The following RBMS3 variants were observed in gnomAD, a reference collection of about 807,000 sequenced individuals.
RBMS3 encodes RNA binding motif single stranded interacting protein 3.
Under a neutral mutation model 66.8 loss-of-function variants are expected in RBMS3, and 27 were observed. The observed-to-expected ratio is 0.40, with a 90% CI of 0.30 to 0.56. The LOEUF is 0.56. Among genes scored for constraint, RBMS3 ranks in the 20% least tolerant of loss-of-function variants. The pLI is 0.40. For missense variants in RBMS3, 513 were observed against 549.5 expected (o/e 0.93, Z 0.66); for synonymous variants, 188 against 183.0 (o/e 1.03, Z -0.22).
Position 29,901,275 on chromosome 3 carries a change from AG to A in RBMS3, c.939+1521del, listed in dbSNP as rs2060246496. Among the ~76,000 whole-genome samples the A allele has an allele frequency of 3.9e-5, 6 of 151,958 alleles. No individual in the cohort carries two copies. The South Asian group carries it at 1.2e-3, about 31-fold the overall frequency. On this transcript the variant is annotated intron_variant, in intron 10 of 14. Coordinates refer to ENST00000383767, the MANE Select transcript of RBMS3 (RefSeq NM_001003793.3). ...TGAGCCAACGGAGGAAAAGGAAAGA[AG>A]TCCTGCCAAGTTCTCAAAAGGAGAC...
chr3:30,000,184 G>A (rs779513200), intron 14 of RBMS3, among the ~76,000 whole-genome samples: 39 of 151,384 alleles, frequency 2.6e-4, no homozygotes, highest in Non-Finnish European at 4.6e-4. Flanking sequence ...CAAAGAACTT[G>A]AACAAATTTA....
chr3:29,878,504 TTC>T (rs1425934489), intron 7 of RBMS3, among the ~76,000 whole-genome samples: 1 of 152,060 alleles, frequency 6.6e-6, no homozygotes, highest in Non-Finnish European at 1.5e-5. Context: ...CTCCTGCCCA[TTC>T]TCACCTTGAC....
At chr3:29,908,365 T>C (rs952783338) in intron 10 of RBMS3, among the ~76,000 whole-genome samples, 1 of 152,124 alleles carries the variant, frequency 6.6e-6, no homozygotes, top group Non-Finnish European at 1.5e-5. Flanking sequence ...ATCAATTGGA[T>C]TGTGAAATGC....
intron 3 of RBMS3, among the ~76,000 whole-genome samples, chr3:29,581,803 C>A (rs1170529585): frequency 6.6e-6 from 1 of 152,112 alleles, no homozygotes; most frequent in Non-Finnish European, 1.5e-5. Context: ...ACTCTGAGAG[C>A]AAGTCTCCTT....
intron 10 of RBMS3, among the ~76,000 whole-genome samples, chr3:29,915,241 G>A (rs1659134461): frequency 6.6e-6 from 1 of 151,774 alleles, no homozygotes; most frequent in South Asian, 2.1e-4. Flanking sequence ...TTTGGCCTTT[G>A]GGGCTTTAAA....
intron 12 of RBMS3, among the ~76,000 whole-genome samples, chr3:29,987,804 A>T (rs1382655627): frequency 6.6e-6 from 1 of 152,158 alleles, no homozygotes; most frequent in East Asian, 1.9e-4. Context: ...TAAAAAAGAG[A>T]CATCATCCCC....
Position 29,422,446 on chromosome 3 carries a change from G to T in RBMS3, c.76-12297G>T, listed in dbSNP as rs576288528. 6.1e-4 allele frequency among the ~76,000 whole-genome samples: 91 copies of T among 150,072 alleles called. 2 individuals are homozygous for T. Among genetic ancestry groups the T allele is most frequent in the African/African-American group, 2.2e-3 (89 of 40,768 alleles). On this transcript the variant is annotated intron_variant, in intron 1 of 14. Transcript: ENST00000383767. Reference sequence around the variant, plus strand: ...AATAATCACACAAAAAAGAAAAGATGCATCTGGAATTGGATGTGCCTATAT... The same window carrying T: ...AATAATCACACAAAAAAGAAAAGATTCATCTGGAATTGGATGTGCCTATAT...
At chr3:29,447,903 G>A (rs2041888905) in intron 2 of RBMS3, among the ~76,000 whole-genome samples, 1 of 152,110 alleles carries the variant, frequency 6.6e-6, no homozygotes, top group Admixed American at 6.6e-5. Context: ...TTTGATCATT[G>A]CAGCCTTCCA....
chr3:29,982,672 C>G (rs1698075482), intron 12 of RBMS3, among the ~76,000 whole-genome samples: 1 of 152,142 alleles, frequency 6.6e-6, no homozygotes, highest in Non-Finnish European at 1.5e-5. Context: ...CATTATTTAC[C>G]CAGTAGTCAT....
chr3:29,896,340 A>G (rs2149601260), intron 8 of RBMS3, among the ~76,000 whole-genome samples: 1 of 151,394 alleles, frequency 6.6e-6, no homozygotes. Flanking sequence ...TCTTTGTCCC[A>G]TAAATTCCAA....
chr3:29,711,612 G>A (rs1440522), intron 4 of RBMS3, among the ~76,000 whole-genome samples: 11,326 of 152,186 alleles, frequency 0.074, 1,419 homozygotes, highest in African/African-American at 0.26. Flanking sequence ...AGCAGGGTCA[G>A]ACTACTAACC....
At chr3:29,664,351 G>C (rs572988955) in intron 4 of RBMS3, among the ~76,000 whole-genome samples, 6 of 152,210 alleles carry the variant, frequency 3.9e-5, no homozygotes, top group African/African-American at 1.4e-4. Flanking sequence ...AGCTGGGTGT[G>C]GTGGTGTGCG....
chr3:29,536,740 G>T (rs1005032349), intron 3 of RBMS3, among the ~76,000 whole-genome samples: 7 of 152,212 alleles, frequency 4.6e-5, no homozygotes, highest in African/African-American at 1.7e-4. Context: ...TTGCTGTGAT[G>T]CTGCCCTAAA....
At chr3:29,396,409 C>CTAT (rs1004847734) in intron 1 of RBMS3, among the ~76,000 whole-genome samples, 1 of 151,992 alleles carries the variant, frequency 6.6e-6, no homozygotes, top group African/African-American at 2.4e-5. Flanking sequence ...ATGGAAAATG[C>CTAT]TATTATTATT....
intron 4 of RBMS3, among the ~76,000 whole-genome samples, chr3:29,626,569 C>T (rs1374610960): frequency 6.6e-6 from 1 of 152,006 alleles, no homozygotes; most frequent in African/African-American, 2.4e-5. Context: ...AATTTTTGGT[C>T]AGCATATGAA....
intron 4 of RBMS3, among the ~76,000 whole-genome samples, chr3:29,674,356 C>T (rs1411606172): frequency 6.6e-6 from 1 of 152,106 alleles, no homozygotes; most frequent in Non-Finnish European, 1.5e-5. Flanking sequence ...GACAGGGATG[C>T]CCTCTCTCAC....
intron 1 of RBMS3, among the ~76,000 whole-genome samples, chr3:29,424,472 A>G (rs895690709): frequency 3.9e-5 from 6 of 152,220 alleles, no homozygotes; most frequent in African/African-American, 1.2e-4. Context: ...TGTGGTTTGA[A>G]TGGTGAGTAC....
chr3:29,514,012 A>G (rs2148960151), intron 3 of RBMS3, among the ~76,000 whole-genome samples: 1 of 152,230 alleles, frequency 6.6e-6, no homozygotes, highest in Middle Eastern at 3.4e-3. Context: ...CAGGCTGGAG[A>G]ATCTTATTAA....
intron 1 of RBMS3, among the ~76,000 whole-genome samples, chr3:29,360,147 A>G (rs974471842): frequency 1.3e-5 from 2 of 151,786 alleles, no homozygotes; most frequent in South Asian, 2.1e-4. Context: ...TTAGGGTGTC[A>G]ATTTTAGATC....
Sources: allele counts gnomAD v4.1 joint callset (sites outside exome capture counted in the v4.1 genomes callset), GRCh38; gene constraint gnomAD v4.1.1; transcripts MANE v1.5; gene names NCBI Gene and HGNC (gene_info 2026-07-23, HGNC 2026-07-21).